The following RIMS2 variants were observed in gnomAD, a reference collection of about 807,000 sequenced individuals.
RIMS2 encodes the protein regulating synaptic membrane exocytosis protein 2.
RIMS2 carries 59 observed loss-of-function variants against 174.4 expected under a neutral mutation model. The observed-to-expected ratio is 0.34, with a 90% CI of 0.27 to 0.42. The LOEUF (loss-of-function observed/expected upper bound fraction) is 0.42, where lower values mean the gene tolerates loss of function less well. Among genes scored for constraint, RIMS2 ranks in the 10% least tolerant of loss-of-function variants. RIMS2 has a pLI of 1.00. For synonymous variants in RIMS2, 606 were observed against 572.5 expected (o/e 1.06, Z -0.84); for missense variants, 1,620 against 1,666.3 (o/e 0.97, Z 0.48).
chr8:103,975,380 G>A (rs990448366), exon 16 of RIMS2: 16 of 1,612,716 alleles, frequency 9.9e-6, no homozygotes, highest in Non-Finnish European at 1.4e-5. Flanking sequence ...GATCTTCAAA[G>A]CTCAACATTA....
chr8:104,217,293 G>A (rs1298023842), intron 19 of RIMS2, among the ~76,000 whole-genome samples: 1 of 150,742 alleles, frequency 6.6e-6, no homozygotes, highest in Non-Finnish European at 1.5e-5. Flanking sequence ...TTTTGAGACA[G>A]GGTCCTGCTT....
exon 1 of RIMS2, chr8:103,500,909 G>C: frequency 1.2e-6 from 2 of 1,601,974 alleles, no homozygotes; most frequent in East Asian, 2.3e-5. Context: ...GTCGGGCCCC[G>C]GGGCCGCCTG....
chr8:103,912,453 A>G (rs778598300), intron 6 of RIMS2, among the ~76,000 whole-genome samples: 1 of 152,148 alleles, frequency 6.6e-6, no homozygotes, highest in Non-Finnish European at 1.5e-5. Context: ...GGTCGAATGT[A>G]TTTTAATTAT....
chr8:104,189,634 T>C (rs1049246613), intron 19 of RIMS2, among the ~76,000 whole-genome samples: 4 of 148,720 alleles, frequency 2.7e-5, no homozygotes, highest in Non-Finnish European at 5.9e-5. Flanking sequence ...AATATATGTA[T>C]ACAATTCTAA....
chr8:103,990,231 G>GATAAGCTTTAAATAAGCTT (rs1456123280), intron 17 of RIMS2, among the ~76,000 whole-genome samples: 8 of 151,966 alleles, frequency 5.3e-5, no homozygotes, highest in Admixed American at 1.3e-4. Context: ...TAAATAAGCT[G>GATAAGCTTTAAATAAGCTT]ATATGAGAAA....
chr8:104,178,516 A>G (rs1414196569), intron 19 of RIMS2, among the ~76,000 whole-genome samples: 1 of 152,114 alleles, frequency 6.6e-6, no homozygotes, highest in African/African-American at 2.4e-5. Context: ...AGTCAATTAT[A>G]TTAGGCCCAC....
downstream of RIMS2, chr8:104,253,993 C>A (rs1588322938): frequency 6.6e-6 from 1 of 152,178 alleles, no homozygotes; most frequent in South Asian, 2.1e-4. Context: ...AATTTAGACA[C>A]CTGTGTACCA....
chr8:103,863,899 GT>G (rs1554902284), intron 3 of RIMS2, among the ~76,000 whole-genome samples: 38 of 113,158 alleles, frequency 3.4e-4, no homozygotes, highest in South Asian at 2.6e-3. Flanking sequence ...TTTTTTTTTT[GT>G]TTTTTTTGTT....
chr8:103,766,609 A>C lies in RIMS2; in HGVS notation c.698+72A>C, dbSNP rs1336648528. On this transcript the variant is annotated intron_variant, in intron 3 of 23. Coordinates refer to ENST00000504942, the Ensembl canonical transcript of RIMS2. Reference sequence around the variant, plus strand: ...TCATTCCAAACAGAGATAACAATACATGAAATGTTTAGGCAATGGTGAGTT... The same window carrying C: ...TCATTCCAAACAGAGATAACAATACCTGAAATGTTTAGGCAATGGTGAGTT... 2.9e-6 allele frequency: 3 copies of C among 1,025,486 alleles called. No individual in the cohort carries two copies. In the East Asian group the frequency reaches 7.7e-5, roughly 26 times the overall value. 63.5% of individuals were successfully genotyped at this position (1,025,486 alleles called of 1,614,324 possible).
intron 19 of RIMS2, among the ~76,000 whole-genome samples, chr8:104,141,442 T>A (rs2098571536): frequency 6.6e-6 from 1 of 152,206 alleles, no homozygotes; most frequent in Non-Finnish European, 1.5e-5. Flanking sequence ...TTATCACTTT[T>A]AAGGAAGATA....
At chr8:103,652,019 C>A (rs368700449) in intron 1 of RIMS2, among the ~76,000 whole-genome samples, 186 bp from the exon 2 acceptor site, 17 of 152,162 alleles carry the variant, frequency 1.1e-4, no homozygotes, top group African/African-American at 3.6e-4. Flanking sequence ...CTGTTAAGGA[C>A]AAATGATTCA....
At position 103,757,690 on chromosome 8, in the gene RIMS2, G is replaced by T. The variant is rs557329454; in HGVS notation, c.388-8537G>T. ...CAACATGCAGGTGTGATACAGTAAA[G>T]ATCTTGAGATAGGGAGATTATGCAG... On this transcript the variant is annotated intron_variant, in intron 2 of 23. Coordinates refer to ENST00000504942, the Ensembl canonical transcript of RIMS2. Among the ~76,000 whole-genome samples, 4 of 152,274 alleles carry T rather than the reference G, an allele frequency of 2.6e-5. No homozygotes were observed. The South Asian group carries it at 8.3e-4, about 32-fold the overall frequency.
intron 1 of RIMS2, among the ~76,000 whole-genome samples, chr8:103,616,668 A>G (rs941671409): frequency 2.6e-5 from 4 of 152,186 alleles, no homozygotes; most frequent in African/African-American, 9.7e-5. Flanking sequence ...CAACTTTAAC[A>G]AAGTTGCAGG....
chr8:103,996,368 C>A (rs1339477479), intron 17 of RIMS2, among the ~76,000 whole-genome samples: 1 of 151,886 alleles, frequency 6.6e-6, no homozygotes, highest in Non-Finnish European at 1.5e-5. Flanking sequence ...GTTCTAGTCT[C>A]ACAATGAACA....
At chr8:103,783,362 T>G (rs1425603892) in intron 3 of RIMS2, among the ~76,000 whole-genome samples, 1 of 151,236 alleles carries the variant, frequency 6.6e-6, no homozygotes, top group Non-Finnish European at 1.5e-5. Context: ...GCTGGTGCGC[T>G]GCACCCACTA....
At chr8:103,952,529 G>A (rs201609504) in intron 14 of RIMS2, among the ~76,000 whole-genome samples, 1 of 152,100 alleles carries the variant, frequency 6.6e-6, no homozygotes, top group East Asian at 1.9e-4. Context: ...CCTGACTGTT[G>A]GAAGGAAACC....
At chr8:103,908,132 C>T (rs1418811951) in intron 4 of RIMS2, among the ~76,000 whole-genome samples, 2 of 152,120 alleles carry the variant, frequency 1.3e-5, no homozygotes, top group African/African-American at 4.8e-5. Context: ...ACCTCCGCCT[C>T]CCAGGTTCAA....
chr8:104,213,513 T>C (rs1437234086), intron 19 of RIMS2, among the ~76,000 whole-genome samples: 4 of 152,180 alleles, frequency 2.6e-5, no homozygotes, highest in Non-Finnish European at 4.4e-5. Flanking sequence ...TGCTCATTAT[T>C]TTGCTTTCAA....
intron 2 of RIMS2, among the ~76,000 whole-genome samples, chr8:103,716,072 T>G (rs558040555): frequency 1.3e-5 from 2 of 152,102 alleles, no homozygotes; most frequent in East Asian, 3.9e-4. Flanking sequence ...TATTCTCTTA[T>G]GTAGCATGCT....
Sources: gnomAD v4.1 joint callset for allele counts (sites outside exome capture counted in the v4.1 genomes callset) on GRCh38, gnomAD v4.1.1 for gene constraint, MANE v1.5 for transcripts, NCBI Gene and HGNC (gene_info 2026-07-23, HGNC 2026-07-21) for gene names.